KAZN: variants seen among roughly 807,000 people sequenced by gnomAD.
KAZN encodes kazrin.
KAZN carries 40 observed loss-of-function variants against 87.4 expected under a neutral mutation model. The observed-to-expected ratio is 0.46, with a 90% CI of 0.36 to 0.60. The LOEUF (loss-of-function observed/expected upper bound fraction) is 0.60, where lower values mean the gene tolerates loss of function less well. Ranked by LOEUF, KAZN falls within the 20% of genes least tolerant of loss-of-function variation. The pLI, the probability that KAZN is intolerant of heterozygous loss-of-function variation, is 0.00. For missense variants in KAZN, 898 were observed against 1,073.9 expected, an observed-to-expected ratio of 0.84 and a Z score of 2.29; for synonymous variants, 466 against 458.3, an observed-to-expected ratio of 1.02 and a Z score of -0.22.
intron 1 of KAZN, among the ~76,000 whole-genome samples, chr1:14,009,823 T>C (rs150193238): frequency 6.6e-6 from 1 of 152,348 alleles, no homozygotes; most frequent in Non-Finnish European, 1.5e-5. Flanking sequence ...CCAGGATATG[T>C]GCAGAATGTT....
At chr1:14,334,803 CAG>C in intron 2 of KAZN, among the ~76,000 whole-genome samples, 1 of 152,138 alleles carries the variant, frequency 6.6e-6, no homozygotes, top group Middle Eastern at 3.4e-3. Flanking sequence ...TGACTTCCCC[CAG>C]AGAGAGACAG....
chr1:14,040,018 G>A (rs1480491320), intron 1 of KAZN, among the ~76,000 whole-genome samples: 1 of 152,162 alleles, frequency 6.6e-6, no homozygotes, highest in Non-Finnish European at 1.5e-5. Context: ...TCATCTGGCT[G>A]AACTTGGTGG....
chr1:14,404,277 T>C (rs1320324067), intron 2 of KAZN, among the ~76,000 whole-genome samples: 1 of 152,198 alleles, frequency 6.6e-6, no homozygotes, highest in Non-Finnish European at 1.5e-5. Flanking sequence ...CCCTTTCCTA[T>C]TGGCACAGCT....
At chr1:14,668,664 T>C (rs1368988732) in intron 1 of KAZN, among the ~76,000 whole-genome samples, 2 of 152,134 alleles carry the variant, frequency 1.3e-5, no homozygotes, top group Non-Finnish European at 2.9e-5. Flanking sequence ...CCTGCTAGGA[T>C]GTTGATGCTG....
intron 1 of KAZN, among the ~76,000 whole-genome samples, chr1:14,893,558 T>C (rs1273970162): frequency 1.3e-5 from 2 of 151,742 alleles, no homozygotes; most frequent in Non-Finnish European, 2.9e-5. Context: ...CTCCACACCC[T>C]AACCTTGACT....
At chr1:14,075,782 C>T (rs1390265923) in intron 1 of KAZN, among the ~76,000 whole-genome samples, 1 of 152,132 alleles carries the variant, frequency 6.6e-6, no homozygotes, top group East Asian at 1.9e-4. Context: ...CTGCCCTATA[C>T]ACTGTAGGAT....
At chr1:14,149,095 C>CCTT (rs1557515710) in intron 1 of KAZN, among the ~76,000 whole-genome samples, 4 of 51,780 alleles carry the variant, frequency 7.7e-5, no homozygotes, top group African/African-American at 3.6e-4. Context: ...TCCTTCCTTT[C>CCTT]TTTCTTTCCT....
intron 1 of KAZN, among the ~76,000 whole-genome samples, chr1:14,813,474 A>G (rs2100794259): frequency 6.6e-6 from 1 of 152,298 alleles, no homozygotes; most frequent in African/African-American, 2.4e-5. Flanking sequence ...AGCCAGCATC[A>G]ATTTGCCAGC....
At chr1:14,477,656 T>G (rs2148383457) in intron 2 of KAZN, among the ~76,000 whole-genome samples, 1 of 152,172 alleles carries the variant, frequency 6.6e-6, no homozygotes, top group South Asian at 2.1e-4. Flanking sequence ...AGTTCTGCCT[T>G]CCGTAGCAGA....
intron 1 of KAZN, among the ~76,000 whole-genome samples, chr1:14,715,775 C>T (rs1642761164): frequency 6.6e-6 from 1 of 152,086 alleles, no homozygotes; most frequent in African/African-American, 2.4e-5. Flanking sequence ...TGGGTTAAGT[C>T]GGTATTTAAA....
intron 2 of KAZN, among the ~76,000 whole-genome samples, chr1:14,505,598 A>G (rs959708990): frequency 6.6e-6 from 1 of 152,110 alleles, no homozygotes; most frequent in African/African-American, 2.4e-5. Context: ...ATTCATAGAG[A>G]CAGAAAGTGG....
At chr1:14,255,098 C>A (rs550774388) in intron 2 of KAZN, among the ~76,000 whole-genome samples, 2 of 114,078 alleles carry the variant, frequency 1.8e-5, no homozygotes, top group Non-Finnish European at 3.4e-5. Flanking sequence ...CCAGTCTGGG[C>A]AACAGACCAA....
intron 1 of KAZN, among the ~76,000 whole-genome samples, chr1:14,125,060 G>C (rs147698805): frequency 2.2e-3 from 342 of 152,264 alleles, no homozygotes; most frequent in African/African-American, 7.7e-3. Flanking sequence ...CCACGGGCAT[G>C]TCTCCCAGGA....
At chr1:13,977,261 C>T (rs725398) in intron 1 of KAZN, among the ~76,000 whole-genome samples, 135,814 of 152,272 alleles carry the variant, frequency 0.89, 60,781 homozygotes, top group Middle Eastern at 0.94. Flanking sequence ...GAACATGAAA[C>T]TTGAAATAAA....
chr1:14,068,959 T>C (rs1049546465), intron 1 of KAZN, among the ~76,000 whole-genome samples: 2 of 151,940 alleles, frequency 1.3e-5, no homozygotes, highest in Admixed American at 6.6e-5. Context: ...CCACCACGCC[T>C]GGTTAATTTT....
In KAZN at chr1:14,067,317, A is replaced by G. The variant is rs573636783; in HGVS notation, c.92-113118A>G. 1.2e-4 allele frequency among the ~76,000 whole-genome samples: 18 copies of G among 152,296 alleles called. No homozygotes were observed. In the East Asian group the frequency reaches 2.3e-3, roughly 20 times the overall value. ...GCTGGTTTTACTGCTTAGGTATGAC[A>G]TAGAATGGGAAACTTTCCCCCTCCT... On this transcript the variant is annotated intron_variant, in intron 1 of 16. Coordinates refer to the KAZN transcript ENST00000636203.
At chr1:14,343,657 C>G (rs2794609) in intron 2 of KAZN, among the ~76,000 whole-genome samples, 18,722 of 152,172 alleles carry the variant, frequency 0.12, 1,318 homozygotes, top group East Asian at 0.25. Flanking sequence ...TTTATTGATT[C>G]AGACTGGAAC....
intron 2 of KAZN, among the ~76,000 whole-genome samples, chr1:14,417,111 G>A (rs374897901): frequency 1.4e-4 from 21 of 151,318 alleles, no homozygotes; most frequent in African/African-American, 2.9e-4. Flanking sequence ...AGAATAGCTC[G>A]AACCTGGGAG....
chr1:14,626,337 C>G (rs535855553), intron 1 of KAZN, among the ~76,000 whole-genome samples: 1 of 152,236 alleles, frequency 6.6e-6, no homozygotes, highest in Admixed American at 6.5e-5. Flanking sequence ...GCTGGTAAAG[C>G]TAGTCTTCCT....
Sources: gnomAD v4.1 joint callset for allele counts (sites outside exome capture counted in the v4.1 genomes callset) on GRCh38, gnomAD v4.1.1 for gene constraint, MANE v1.5 for transcripts, NCBI Gene and HGNC (gene_info 2026-07-23, HGNC 2026-07-21) for gene names.